The following HLF variants were observed in gnomAD, a reference collection of about 807,000 sequenced individuals.
The protein encoded by HLF is HLF transcription factor, PAR bZIP family member.
Under a neutral mutation model 22.6 loss-of-function variants are expected in HLF, and 3 were observed. The observed-to-expected ratio is 0.13, with a 90% CI of 0.06 to 0.34. The LOEUF (loss-of-function observed/expected upper bound fraction) is 0.34. Among genes scored for constraint, HLF ranks in the 10% least tolerant of loss-of-function variants. The pLI is 1.00. For missense variants in HLF, 299 were observed against 389.2 expected, an observed-to-expected ratio of 0.77 and a Z score of 1.95; for synonymous variants, 151 against 151.8, an observed-to-expected ratio of 0.99 and a Z score of 0.04.
In HLF at chr17:55,267,983, T is replaced by C. The variant is rs774053574; in HGVS notation, c.348T>C (p.Ala116=). Residue 116 remains alanine (A), a synonymous_variant, in exon 2 of 4, where the codon GCT becomes GCC. Transcript: ENST00000226067. ...CTCACCCTCCTGGGCTGCAGCCAGCTTCCTCGGCTGCCCCCTCGGTCATGG... is the reference window on the plus strand; with the variant it reads ...CTCACCCTCCTGGGCTGCAGCCAGCCTCCTCGGCTGCCCCCTCGGTCATGG... ...HSPHPPGLQP[A]SSAAPSVMDL... The C allele has an allele frequency of 8.1e-6, 13 of 1,613,862 alleles. No homozygotes were observed. The East Asian group carries it at 2.9e-4, about 36-fold the overall frequency.
chr17:55,303,342 G>A (rs540052169), intron 2 of HLF, among the ~76,000 whole-genome samples: 1 of 152,302 alleles, frequency 6.6e-6, no homozygotes, highest in Admixed American at 6.5e-5. Flanking sequence ...CTTTGAGCTG[G>A]CCAGCAGTTG....
At chr17:55,301,237 T>A (rs540629136) in intron 2 of HLF, among the ~76,000 whole-genome samples, 35 of 152,388 alleles carry the variant, frequency 2.3e-4, no homozygotes, top group South Asian at 6.2e-4. Context: ...AATAACCTTT[T>A]TACTTACCTG....
At chr17:55,296,648 T>C (rs747211791) in intron 2 of HLF, among the ~76,000 whole-genome samples, 1 of 152,218 alleles carries the variant, frequency 6.6e-6, no homozygotes. Flanking sequence ...TACTTAACAA[T>C]GCCTCTAGGG....
chr17:55,280,550 G>A (rs2080944328), intron 2 of HLF, among the ~76,000 whole-genome samples: 1 of 152,174 alleles, frequency 6.6e-6, no homozygotes, highest in South Asian at 2.1e-4. Flanking sequence ...ATTTCCTTTG[G>A]TGCTCTAGAG....
At chr17:55,313,387 T>C (rs1473764350) in intron 2 of HLF, among the ~76,000 whole-genome samples, 7 of 151,530 alleles carry the variant, frequency 4.6e-5, no homozygotes, top group Non-Finnish European at 8.8e-5. Context: ...TGTGTGTGTG[T>C]GTACAGCTTA....
chr17:55,310,928 T>G (rs1002739023), intron 2 of HLF, among the ~76,000 whole-genome samples: 2 of 151,874 alleles, frequency 1.3e-5, no homozygotes, highest in Non-Finnish European at 2.9e-5. Flanking sequence ...AAGGCTAAAA[T>G]AAAGAAAACT....
intron 2 of HLF, among the ~76,000 whole-genome samples, chr17:55,268,476 C>G (rs577462584): frequency 1.3e-5 from 2 of 152,188 alleles, no homozygotes; most frequent in Non-Finnish European, 2.9e-5. Context: ...ATCTCTTTTC[C>G]TCATTCCCTA....
intron 2 of HLF, among the ~76,000 whole-genome samples, chr17:55,300,184 C>T (rs77548176): frequency 1.8e-3 from 279 of 152,264 alleles, no homozygotes; most frequent in African/African-American, 6.5e-3. Flanking sequence ...TTAGGAGGCA[C>T]AGTGACCGCT....
intron 2 of HLF, among the ~76,000 whole-genome samples, chr17:55,279,643 G>A (rs571830404): frequency 6.6e-6 from 1 of 151,986 alleles, no homozygotes; most frequent in Admixed American, 6.6e-5. Context: ...ACATAATTTT[G>A]GGACACAGAG....
chr17:55,265,691 C>T, intron 1 of HLF, 92 bp downstream of exon 1: 1 of 1,088,906 alleles, frequency 9.2e-7, no homozygotes, highest in Admixed American at 3.3e-5. Flanking sequence ...ATCCCCCAAC[C>T]CCGCTCCCGC....
intron 2 of HLF, among the ~76,000 whole-genome samples, chr17:55,293,040 A>G (rs1304917500): frequency 6.6e-6 from 1 of 152,228 alleles, no homozygotes; most frequent in Non-Finnish European, 1.5e-5. Context: ...TAAGAGGTAC[A>G]AAAACACAGA....
At chr17:55,286,268 T>A (rs1007824253) in intron 2 of HLF, among the ~76,000 whole-genome samples, 1 of 152,162 alleles carries the variant, frequency 6.6e-6, no homozygotes, top group African/African-American at 2.4e-5. Flanking sequence ...TTTCCCTGAC[T>A]TGTCTATTTT....
In HLF at chr17:55,265,579, T is replaced by TC; in HGVS notation, c.100dup (p.Leu34ProfsTer8). 6.3e-7 allele frequency: 1 copy of TC among 1,599,012 alleles called. No individual in the cohort carries two copies. The highest frequency in any genetic ancestry group is 1.4e-5 in the African/African-American group (1 of 73,580). On this transcript the variant is annotated frameshift_variant, in exon 1 of 4. Transcript: ENST00000226067. LOFTEE classifies it high-confidence loss of function. ...TCCCTGCTGGAGAACCCGCTGAAGC[T>TC]CCCCCTTCACCACGAAGACGGTGAG...
rs1197418285 is a variant in HLF, at chr17:55,323,710, A to T, written c.*2831A>T. On this transcript the variant is annotated 3_prime_UTR_variant, in exon 4 of 4. Coordinates refer to ENST00000226067, the MANE Select transcript of HLF (RefSeq NM_002126.5). ...GGCAGTTAACTAGCAAACAAGGCAG[A>T]TCTGCTTCATGGAGCGGGAGGCCAT... 1 of 230,294 alleles carries T rather than the reference A, an allele frequency of 4.3e-6. No individual in the cohort carries two copies. The highest frequency in any genetic ancestry group is 6.1e-5 in the East Asian group (1 of 16,264). 14.3% of individuals were successfully genotyped at this position (230,294 alleles called of 1,614,324 possible).
chr17:55,272,159 T>C (rs2080864503), intron 2 of HLF: 1 of 152,312 alleles, frequency 6.6e-6, no homozygotes, highest in African/African-American at 2.4e-5. Context: ...GTCATTCTGA[T>C]GACTTCAATG....
At chr17:55,319,500 A>C (rs1210191045) in intron 3 of HLF, among the ~76,000 whole-genome samples, 3 of 152,032 alleles carry the variant, frequency 2.0e-5, no homozygotes, top group Admixed American at 6.6e-5. Flanking sequence ...ATCTAAAAGA[A>C]GATCCCTGTT....
At chr17:55,318,204 C>T (rs1041148994) in intron 3 of HLF, among the ~76,000 whole-genome samples, 2 of 152,116 alleles carry the variant, frequency 1.3e-5, no homozygotes, top group East Asian at 3.9e-4. Context: ...AGTTTATCAG[C>T]CCCGCTCAAA....
chr17:55,286,983 A>C (rs1176784934), intron 2 of HLF, among the ~76,000 whole-genome samples: 1 of 152,164 alleles, frequency 6.6e-6, no homozygotes, highest in Non-Finnish European at 1.5e-5. Flanking sequence ...AGGTGACAGA[A>C]ACCCATTCCA....
At chr17:55,275,706 C>T (rs1178784077) in intron 2 of HLF, among the ~76,000 whole-genome samples, 2 of 152,194 alleles carry the variant, frequency 1.3e-5, no homozygotes, top group African/African-American at 4.8e-5. Flanking sequence ...TGCAAAGCAA[C>T]ATCCTTGTTG....
Sources: allele counts gnomAD v4.1 joint callset (sites outside exome capture counted in the v4.1 genomes callset), GRCh38; gene constraint gnomAD v4.1.1; transcripts MANE v1.5; gene names NCBI Gene and HGNC (gene_info 2026-07-23, HGNC 2026-07-21).